The following RIT2 variants were observed in gnomAD, a reference collection of about 807,000 sequenced individuals.
RIT2 encodes the protein Ras like without CAAX 2.
Under a neutral mutation model 23.7 loss-of-function variants are expected in RIT2, and 24 were observed. The ratio of observed to expected loss-of-function variants is 1.01; its 90% confidence interval spans 0.73 to 1.43. RIT2 has a LOEUF of 1.43. Ranked by LOEUF, RIT2 falls within the 40% of genes most tolerant of loss-of-function variation. The pLI is 0.00. For synonymous variants in RIT2, 107 were observed against 91.1 expected (o/e 1.17, Z -0.99); for missense variants, 236 against 266.9 (o/e 0.88, Z 0.81).
At chr18:43,061,324 C>T (rs1407735653) in intron 1 of RIT2, among the ~76,000 whole-genome samples, 5 of 152,040 alleles carry the variant, frequency 3.3e-5, no homozygotes, top group Non-Finnish European at 7.4e-5. Flanking sequence ...TTTTCTAAAA[C>T]TTTTTTGATT....
intron 4 of RIT2, among the ~76,000 whole-genome samples, chr18:42,798,011 G>A (rs987020265): frequency 6.6e-6 from 1 of 152,094 alleles, no homozygotes; most frequent in Non-Finnish European, 1.5e-5. Flanking sequence ...TACATATTCT[G>A]TTATTCTAGA....
At chr18:42,973,995 T>A in intron 3 of RIT2, 79 bp downstream of exon 3, 1 of 884,962 alleles carries the variant, frequency 1.1e-6, no homozygotes, top group Non-Finnish European at 1.8e-6. Flanking sequence ...AAAGTCATCT[T>A]CTCCTTTGTT....
intron 4 of RIT2, among the ~76,000 whole-genome samples, chr18:42,756,878 A>G (rs1473242245): frequency 1.3e-5 from 1 of 77,176 alleles, no homozygotes; most frequent in African/African-American, 4.8e-5. Flanking sequence ...TAACAAATTT[A>G]TATTAGGTAA....
chr18:43,092,192 G>A (rs1482084465), intron 1 of RIT2, among the ~76,000 whole-genome samples: 1 of 152,076 alleles, frequency 6.6e-6, no homozygotes, highest in African/African-American at 2.4e-5. Context: ...TGCCCATGCA[G>A]TTACCTCTCC....
chr18:42,944,722 ATGT>A (rs757306964), intron 3 of RIT2, among the ~76,000 whole-genome samples: 2 of 152,120 alleles, frequency 1.3e-5, no homozygotes, highest in Non-Finnish European at 2.9e-5. Flanking sequence ...TAAGCAAATC[ATGT>A]TGGTAGGGAT....
At chr18:43,075,557 T>C (rs1419563148) in intron 1 of RIT2, among the ~76,000 whole-genome samples, 1 of 152,226 alleles carries the variant, frequency 6.6e-6, no homozygotes. Flanking sequence ...TGACTTTTTA[T>C]AGAAAAATTG....
intron 4 of RIT2, among the ~76,000 whole-genome samples, chr18:42,845,509 A>C (rs772761710): frequency 6.6e-6 from 1 of 150,770 alleles, no homozygotes; most frequent in Non-Finnish European, 1.5e-5. Flanking sequence ...CTATTGACAA[A>C]CTTGACCTAA....
intron 2 of RIT2, among the ~76,000 whole-genome samples, chr18:43,011,818 G>A (rs532625730): frequency 6.6e-6 from 1 of 151,834 alleles, no homozygotes; most frequent in Non-Finnish European, 1.5e-5. Flanking sequence ...AAATTCCAGA[G>A]CAATTATTGT....
chr18:42,825,665 C>T (rs1906273808), intron 4 of RIT2, among the ~76,000 whole-genome samples: 1 of 148,504 alleles, frequency 6.7e-6, no homozygotes, highest in Non-Finnish European at 1.5e-5. Flanking sequence ...ATAACAGTAG[C>T]AAAGATTTCA....
chr18:43,002,443 C>T (rs1334715197), intron 2 of RIT2, among the ~76,000 whole-genome samples: 1 of 151,874 alleles, frequency 6.6e-6, no homozygotes, highest in Non-Finnish European at 1.5e-5. Context: ...TCCTTCAATC[C>T]AATCAAGTTG....
At chr18:42,784,632 A>G (rs1913885043) in intron 4 of RIT2, among the ~76,000 whole-genome samples, 1 of 152,060 alleles carries the variant, frequency 6.6e-6, no homozygotes, top group Non-Finnish European at 1.5e-5. Context: ...AAACAACTCC[A>G]TTTTTTACAT....
At chr18:43,100,602 T>C (rs1479930406) in intron 1 of RIT2, among the ~76,000 whole-genome samples, 4 of 152,182 alleles carry the variant, frequency 2.6e-5, no homozygotes, top group Non-Finnish European at 4.4e-5. Context: ...GGATGGTAAG[T>C]TAGAATTCAA....
chr18:42,972,884 A>C (rs1430924832), intron 3 of RIT2, among the ~76,000 whole-genome samples: 1 of 151,892 alleles, frequency 6.6e-6, no homozygotes, highest in Admixed American at 6.6e-5. Flanking sequence ...TTTTACAACT[A>C]TACAGCCTTT....
chr18:42,938,844 C>T (rs902210577), intron 3 of RIT2, among the ~76,000 whole-genome samples: 6 of 152,042 alleles, frequency 3.9e-5, no homozygotes, highest in Non-Finnish European at 7.4e-5. Flanking sequence ...GCTCAAGTGA[C>T]CCTCCCGTCT....
At chr18:43,002,183 G>C (rs748171700) in intron 2 of RIT2, among the ~76,000 whole-genome samples, 4 of 151,974 alleles carry the variant, frequency 2.6e-5, no homozygotes, top group Non-Finnish European at 2.9e-5. Flanking sequence ...GAGTTTAAAA[G>C]TTGAAGAAGT....
intron 4 of RIT2, among the ~76,000 whole-genome samples, chr18:42,788,684 A>C (rs1160824586): frequency 6.6e-6 from 1 of 152,174 alleles, no homozygotes; most frequent in African/African-American, 2.4e-5. Flanking sequence ...CAAAATTCTA[A>C]TTACTATTTG....
chr18:42,956,439 T>G (rs972741855), intron 3 of RIT2, among the ~76,000 whole-genome samples: 2 of 152,178 alleles, frequency 1.3e-5, no homozygotes, highest in Non-Finnish European at 2.9e-5. Flanking sequence ...CTCCATGGAC[T>G]ATTTGGGCTT....
At chr18:42,876,364 T>C (rs974745577) in intron 4 of RIT2, among the ~76,000 whole-genome samples, 7 of 150,380 alleles carry the variant, frequency 4.7e-5, no homozygotes, top group East Asian at 1.9e-4. Context: ...TTTTTTTTTT[T>C]CAGAAAACTA....
intron 4 of RIT2, among the ~76,000 whole-genome samples, chr18:42,769,843 T>TATAATAATAATAATA (rs149525390): frequency 2.1e-5 from 3 of 141,476 alleles, no homozygotes; most frequent in Admixed American, 7.2e-5. Context: ...AAACTTAAAG[T>TATAATAATAATAATA]ATAATAATAA....
Sources: allele counts gnomAD v4.1 joint callset (sites outside exome capture counted in the v4.1 genomes callset), GRCh38; gene constraint gnomAD v4.1.1; transcripts MANE v1.5; gene names NCBI Gene and HGNC (gene_info 2026-07-23, HGNC 2026-07-21).